Variants in ZNF141 observed in about 807,000 individuals in gnomAD.
The protein encoded by ZNF141 is zinc finger protein 141.
A neutral mutation model predicts 11.3 loss-of-function variants in ZNF141; 7 were observed. The ratio of observed to expected loss-of-function variants is 0.62; its 90% CI spans 0.35 to 1.16. The LOEUF is 1.16. ZNF141 is among the 50% of genes most tolerant of loss of function. The probability of loss-of-function intolerance (pLI) is 0.02; values close to 1 mark genes in which losing one functional copy is unlikely to be tolerated. For missense variants in ZNF141, 535 were observed against 554.0 expected (o/e 0.97, Z 0.34); for synonymous variants, 183 against 190.7 (o/e 0.96, Z 0.33).
Position 372,900 on chromosome 4 carries a change from A to G in ZNF141, c.463A>G (p.Ser155Gly). 1 of 1,613,720 alleles carries G rather than the reference A, an allele frequency of 6.2e-7. No homozygotes were observed. The highest frequency in any genetic ancestry group is 8.5e-7 in the Non-Finnish European group (1 of 1,179,736). The change falls in exon 4 of 4, where the codon AGT (serine) becomes GGT (glycine). Residue 155 changes from serine to glycine, a missense_variant. By Grantham distance (56) the Ser-to-Gly change is moderately conservative. Coordinates refer to ENST00000240499, the MANE Select transcript of ZNF141 (RefSeq NM_003441.4). ...LQCKASVKVV[S>G]KFSNSNKRKT... ...GTGTAAAGCAAGTGTCAAAGTTGTT[A>G]GTAAATTTTCAAATTCAAACAAACG...
At chr4:358,335 G>C (rs1721947885) in intron 3 of ZNF141, 2 of 348,834 alleles carry the variant, frequency 5.7e-6, no homozygotes, top group Non-Finnish European at 1.1e-5. Flanking sequence ...TTAGTCATGA[G>C]CCACCACACC....
chr4:338,169 C>T, intron 1 of ZNF141, 183 bp downstream of exon 1: 2 of 665,122 alleles, frequency 3.0e-6, no homozygotes, highest in Non-Finnish European at 4.9e-6. Context: ...CTGGCCCAGC[C>T]TGCAGCCCTC....
At chr4:369,670 A>T (rs1036438863) in intron 3 of ZNF141, among the ~76,000 whole-genome samples, 1 of 126,854 alleles carries the variant, frequency 7.9e-6, no homozygotes, top group East Asian at 2.3e-4. Flanking sequence ...ATAGGACTTT[A>T]CTTCTTATAC....
rs573890398 is a variant in ZNF141, at chr4:384,250, G to C, written c.*10388G>C. 6.6e-6 allele frequency: 1 copy of C among 152,236 alleles called. No individual in the cohort carries two copies. Among genetic ancestry groups the C allele is most frequent in the Non-Finnish European group, 1.5e-5 (1 of 68,042 alleles). The allele number at this position is 152,236 out of a possible 1,614,324, so 9.4% of individuals were successfully genotyped here. ...CATCTAAACTCTGGAGGGCAAGGCT[G>C]TGAGGAGATCTGAAGACATGGTGCT... On this transcript the variant is annotated 3_prime_UTR_variant, in exon 4 of 4. Coordinates refer to ENST00000240499, the MANE Select transcript of ZNF141 (RefSeq NM_003441.4).
chr4:381,891 C>T lies in ZNF141; in HGVS notation c.*8029C>T, dbSNP rs1292475129. ...CACCAGAAGGGTCAAGATGAAATTG[C>T]TCAGAGAAACAGGAGGGCTGACCAA... is the stretch of plus-strand genomic sequence containing the variant. On this transcript the variant is annotated 3_prime_UTR_variant, in exon 4 of 4. Coordinates refer to ENST00000240499, the MANE Select transcript of ZNF141 (RefSeq NM_003441.4). Among the ~76,000 whole-genome samples the T allele has an allele frequency of 1.3e-5, 2 of 151,292 alleles. No homozygotes were observed. The highest frequency in any genetic ancestry group is 2.4e-5 in the African/African-American group (1 of 40,958).
At chr4:353,944 C>T (rs868923961) in intron 3 of ZNF141, among the ~76,000 whole-genome samples, 16 of 152,268 alleles carry the variant, frequency 1.1e-4, no homozygotes, top group Middle Eastern at 6.8e-3. Flanking sequence ...ATGGTATGGC[C>T]GTGCTTCTCT....
chr4:379,135 G>A lies in ZNF141; in HGVS notation c.*5273G>A, dbSNP rs576708829. ...TGGGATTACCGGTGTGAGCCACTGT[G>A]CCCAGCCTCTCAGTGATTTTTGATG... On this transcript the variant is annotated 3_prime_UTR_variant, in exon 4 of 4. Coordinates refer to ENST00000240499, the MANE Select transcript of ZNF141 (RefSeq NM_003441.4). Among the ~76,000 whole-genome samples, 1 of 152,156 alleles carries A rather than the reference G, an allele frequency of 6.6e-6. No homozygotes were observed. The highest frequency in any genetic ancestry group is 2.1e-4 in the South Asian group (1 of 4,814).
rs1434274741 is a variant in ZNF141, at chr4:380,532, A to T, written c.*6670A>T. 6.6e-6 allele frequency among the ~76,000 whole-genome samples: 1 copy of T among 151,996 alleles called. No individual in the cohort carries two copies. Among genetic ancestry groups the T allele is most frequent in the Non-Finnish European group, 1.5e-5 (1 of 68,002 alleles). The stretch of plus-strand genomic sequence containing the variant: ...CTGGGTGTGGTGTCAGGCGCCTGTA[A>T]TCCCAGCTACTCAAGAGGTTGAGGC... On this transcript the variant is annotated 3_prime_UTR_variant, in exon 4 of 4. Transcript: ENST00000240499.
At chr4:367,519 C>CTTTT (rs782804343) in intron 3 of ZNF141, among the ~76,000 whole-genome samples, 4 of 141,004 alleles carry the variant, frequency 2.8e-5, no homozygotes, top group Non-Finnish European at 4.6e-5. Context: ...ACTTTACAAT[C>CTTTT]TTTTTTTTTT....
intron 3 of ZNF141, among the ~76,000 whole-genome samples, chr4:345,107 T>C (rs1721258124): frequency 1.3e-5 from 2 of 152,148 alleles, no homozygotes; most frequent in Admixed American, 1.3e-4. Context: ...ATTCTTTTCG[T>C]ATTATGTCTA....
chr4:338,124 G>A (rs1222689400), intron 1 of ZNF141, 138 bp downstream of exon 1: 1 of 1,167,722 alleles, frequency 8.6e-7, no homozygotes, highest in Non-Finnish European at 1.2e-6. Context: ...CTCCGGTGAG[G>A]GACCTGGGCT....
chr4:342,660 C>T (rs995553568), intron 1 of ZNF141, among the ~76,000 whole-genome samples: 2 of 152,192 alleles, frequency 1.3e-5, no homozygotes, highest in East Asian at 1.9e-4. Flanking sequence ...GCCCAGTCTT[C>T]CAGTAGGATC....
At chr4:343,334 A>G (rs1721146558) in intron 1 of ZNF141, among the ~76,000 whole-genome samples, 1 of 152,172 alleles carries the variant, frequency 6.6e-6, no homozygotes, top group South Asian at 2.1e-4. Flanking sequence ...ACTTTAGAGA[A>G]TATTACTGCG....
intron 3 of ZNF141, among the ~76,000 whole-genome samples, chr4:371,482 G>A (rs988912206): frequency 1.3e-4 from 19 of 150,572 alleles, no homozygotes; most frequent in South Asian, 4.2e-4. Flanking sequence ...TGCCCTCCTC[G>A]GCCTCCCAAA....
intron 3 of ZNF141, among the ~76,000 whole-genome samples, chr4:348,895 T>C (rs1300601758): frequency 2.6e-5 from 4 of 152,088 alleles, no homozygotes; most frequent in African/African-American, 9.7e-5. Flanking sequence ...ATTGAATCTA[T>C]AGATCACTTT....
In ZNF141 at chr4:381,759, G is replaced by A. The variant is rs1383719457; in HGVS notation, c.*7897G>A. ...TATGCAGCCATCTGGGAAGAAAGGA[G>A]ACTTTTTACAACAGAGAATACCCCT... On this transcript the variant is annotated 3_prime_UTR_variant, in exon 4 of 4. Coordinates refer to ENST00000240499, the MANE Select transcript of ZNF141 (RefSeq NM_003441.4). Among the ~76,000 whole-genome samples, 2 of 151,794 alleles carry A rather than the reference G, an allele frequency of 1.3e-5. No individual in the cohort carries two copies. Among genetic ancestry groups the A allele is most frequent in the African/African-American group, 2.4e-5 (1 of 41,290 alleles).
intron 3 of ZNF141, chr4:350,358 A>C (rs1721537802): frequency 5.5e-6 from 2 of 365,104 alleles, no homozygotes; most frequent in Admixed American, 7.1e-5. Flanking sequence ...ATATTGTATA[A>C]AAATGGAATC....
rs1473935181 is a variant in ZNF141 at position 375,923 on chromosome 4, A to T, written c.*2061A>T. On this transcript the variant is annotated 3_prime_UTR_variant, in exon 4 of 4. Coordinates refer to ENST00000240499, the MANE Select transcript of ZNF141 (RefSeq NM_003441.4). ...GCAGAGAGGCTTTTTTGTAGTTGACAATATTGAGTGATGCATGAGGTAGGT... is the reference window on the plus strand; with the variant it reads ...GCAGAGAGGCTTTTTTGTAGTTGACTATATTGAGTGATGCATGAGGTAGGT... 2.0e-5 allele frequency among the ~76,000 whole-genome samples: 3 copies of T among 152,004 alleles called. No homozygotes were observed. Among genetic ancestry groups the T allele is most frequent in the African/African-American group, 7.2e-5 (3 of 41,438 alleles).
rs564064046 is a variant in ZNF141 at position 383,417 on chromosome 4, C to G, written c.*9555C>G. On this transcript the variant is annotated 3_prime_UTR_variant, in exon 4 of 4. Transcript: ENST00000240499. ...ATCACAAATAACCTGCAAATGCTTG[C>G]CACCCTGTAAGTATTGATTTTCTTT... 23 of 399,462 alleles carry G rather than the reference C, an allele frequency of 5.8e-5. No individual in the cohort carries two copies. The highest frequency in any genetic ancestry group is 2.6e-4 in the East Asian group (7 of 27,398). 24.7% of individuals were successfully genotyped at this position (399,462 alleles called of 1,614,324 possible). A position where few individuals can be genotyped will look rare whatever the true frequency, so the allele number is the denominator to read the frequency against.
Sources: gnomAD v4.1 joint callset for allele counts (sites outside exome capture counted in the v4.1 genomes callset) on GRCh38, gnomAD v4.1.1 for gene constraint, MANE v1.5 for transcripts, NCBI Gene and HGNC (gene_info 2026-07-23, HGNC 2026-07-21) for gene names.